The following IPPK variants were observed in gnomAD, a reference collection of about 807,000 sequenced individuals.
The protein encoded by IPPK is IPK1 homolog.
A neutral mutation model predicts 64.6 loss-of-function variants in IPPK; 22 were observed. That is an observed-to-expected ratio of 0.34 (90% CI 0.24 to 0.49). The LOEUF (loss-of-function observed/expected upper bound fraction) is 0.49, where lower values mean the gene tolerates loss of function less well. Among genes scored for constraint, IPPK ranks in the 20% least tolerant of loss-of-function variants. The pLI is 0.99. For synonymous variants in IPPK, 262 were observed against 247.2 expected, an observed-to-expected ratio of 1.06 and a Z score of -0.56; for missense variants, 532 against 630.7, an observed-to-expected ratio of 0.84 and a Z score of 1.68.
intron 2 of IPPK, among the ~76,000 whole-genome samples, chr9:92,658,172 A>G (rs1852410637): frequency 6.6e-6 from 1 of 151,046 alleles, no homozygotes; most frequent in South Asian, 2.2e-4. Context: ...CGGGTGGTCC[A>G]TGGCATTTTG....
intron 1 of IPPK, among the ~76,000 whole-genome samples, chr9:92,669,468 C>T (rs1852678546): frequency 6.6e-6 from 1 of 152,228 alleles, no homozygotes; most frequent in African/African-American, 2.4e-5. Context: ...GCACTGTGGG[C>T]ACTCTGCTTC....
intron 3 of IPPK, among the ~76,000 whole-genome samples, chr9:92,654,758 C>T: frequency 6.6e-6 from 1 of 152,176 alleles, no homozygotes; most frequent in East Asian, 1.9e-4. Flanking sequence ...CAGGCATCAC[C>T]CTCTAAATGG....
rs369352943 is a variant in IPPK at position 92,637,851 on chromosome 9, G to A, written c.916+150C>T. 5.4e-6 allele frequency: 4 copies of A among 740,984 alleles called. No individual in the cohort carries two copies. In the African/African-American group the frequency reaches 7.1e-5, roughly 13 times the overall value. 45.9% of individuals were successfully genotyped at this position (740,984 alleles called of 1,614,324 possible). ...TCTGCATCTGGGGGTGAGAGGCAGCGAGGCCCCGTGCTGGGAGCCCTGGCG... is the reference window on the plus strand; with the variant it reads ...TCTGCATCTGGGGGTGAGAGGCAGCAAGGCCCCGTGCTGGGAGCCCTGGCG... On this transcript the variant is annotated intron_variant, in intron 9 of 12. Transcript: ENST00000287996.
At chr9:92,642,906 T>G in intron 6 of IPPK, 96 bp from the exon 7 acceptor site, 2 of 999,564 alleles carry the variant, frequency 2.0e-6, no homozygotes, top group Non-Finnish European at 3.2e-6. Context: ...ATGAAGACAA[T>G]GAAGACGAGC....
intron 1 of IPPK, among the ~76,000 whole-genome samples, chr9:92,667,726 C>T (rs1011664159): frequency 9.3e-5 from 14 of 150,850 alleles, no homozygotes; most frequent in African/African-American, 3.2e-4. Flanking sequence ...TGAAACCAGT[C>T]TGGCTAACGT....
chr9:92,617,873 T>C (rs1041856830), intron 12 of IPPK: 40 of 210,154 alleles, frequency 1.9e-4, no homozygotes, highest in Non-Finnish European at 3.2e-4. Flanking sequence ...ACTTGAGACA[T>C]TTTCCTTTAT....
intron 1 of IPPK, among the ~76,000 whole-genome samples, chr9:92,659,294 A>G (rs1181523576): frequency 6.6e-6 from 1 of 152,170 alleles, no homozygotes; most frequent in Non-Finnish European, 1.5e-5. Context: ...TTATGGGTCC[A>G]CTTACTTTGT....
chr9:92,648,390 C>T (rs768476817), intron 5 of IPPK, among the ~76,000 whole-genome samples: 7 of 152,194 alleles, frequency 4.6e-5, no homozygotes, highest in Non-Finnish European at 8.8e-5. Context: ...GGTGCCTCTG[C>T]ACTAGCTCAA....
rs368157116 is a variant in IPPK at position 92,638,118 on chromosome 9, G to A, written c.799C>T (p.Arg267Trp). The A allele has an allele frequency of 1.4e-5, 22 of 1,613,980 alleles. No individual in the cohort carries two copies. The highest frequency in any genetic ancestry group is 2.7e-5 in the African/African-American group (2 of 74,936). ...TTGTCCGAGCCACTCAGCAGCACCC[G>A]TGTGATCACGTGCACCAGCTCCCTG... ...VIRELVHVIT[R>W]VLLSGSDKGR... is the part of the protein sequence containing the mutation. Residue 267 changes from arginine to tryptophan, a missense_variant, in exon 9 of 13, where the codon CGG becomes TGG. Transcript: ENST00000287996.
Position 92,642,720 on chromosome 9 carries a change from C to G in IPPK, c.563+32G>C. Reference sequence around the variant, plus strand: ...CCCTACCCATCTCCAGGGAACCTGACACAAGGGGGCAAAGGAGAAGTGTTC... The same window carrying G: ...CCCTACCCATCTCCAGGGAACCTGAGACAAGGGGGCAAAGGAGAAGTGTTC... On this transcript the variant is annotated intron_variant, in intron 7 of 12. Coordinates refer to ENST00000287996, the MANE Select transcript of IPPK (RefSeq NM_022755.6). 2.5e-6 allele frequency: 4 copies of G among 1,605,308 alleles called. No homozygotes were observed. In the South Asian group the frequency reaches 4.4e-5, roughly 18 times the overall value.
chr9:92,633,531 T>C (rs1851883436), intron 11 of IPPK, among the ~76,000 whole-genome samples: 1 of 152,122 alleles, frequency 6.6e-6, no homozygotes, highest in Non-Finnish European at 1.5e-5. Context: ...CAGCTAATTT[T>C]TTAATTTTTC....
Position 92,615,929 on chromosome 9 carries a change from T to C in IPPK, c.1379A>G (p.Asn460Ser), listed in dbSNP as rs772551104. 4 of 1,614,072 alleles carry C rather than the reference T, an allele frequency of 2.5e-6. No individual in the cohort carries two copies. The highest frequency in any genetic ancestry group is 2.2e-5 in the East Asian group (1 of 44,896). The change falls in exon 13 of 13, where the codon AAC becomes AGC. Residue 460 changes from asparagine to serine, a missense_variant. Transcript: ENST00000287996. ...GGCACGTACAGTCTTTGAATAATAG[T>C]TGACGATCTTGCCGTCCAGTTTATA... ...HQYKLDGKIV[N>S]YYSKTVRAKD...
chr9:92,654,960 C>G (rs1327306022), intron 3 of IPPK, among the ~76,000 whole-genome samples: 2 of 152,364 alleles, frequency 1.3e-5, no homozygotes, highest in South Asian at 4.1e-4. Context: ...AACTCCTGAG[C>G]CTTCAGGTTC....
At chr9:92,654,874 G>A (rs192911953) in intron 3 of IPPK, among the ~76,000 whole-genome samples, 6 of 152,362 alleles carry the variant, frequency 3.9e-5, no homozygotes, top group Non-Finnish European at 5.9e-5. Flanking sequence ...GTCAGCATGC[G>A]AGGTTCCAAC....
chr9:92,621,705 CGAGGTCTCGCTA>C (rs1453952347), intron 11 of IPPK, among the ~76,000 whole-genome samples: 2 of 151,882 alleles, frequency 1.3e-5, no homozygotes, highest in Non-Finnish European at 2.9e-5. Context: ...TTATTAGAGA[CGAGGTCTCGCTA>C]TGTTGCCCAG....
intron 8 of IPPK, among the ~76,000 whole-genome samples, chr9:92,640,159 A>T (rs1408592022): frequency 6.6e-6 from 1 of 152,178 alleles, no homozygotes; most frequent in East Asian, 1.9e-4. Context: ...GACTGAGGTG[A>T]TGACAAGGGG....
chr9:92,647,139 C>T (rs1852165366), intron 6 of IPPK, among the ~76,000 whole-genome samples: 1 of 152,158 alleles, frequency 6.6e-6, no homozygotes, highest in Non-Finnish European at 1.5e-5. Flanking sequence ...GAAGGGGACA[C>T]TACTACTGAC....
intron 1 of IPPK, among the ~76,000 whole-genome samples, chr9:92,663,465 T>C (rs763436949): frequency 6.6e-6 from 1 of 152,200 alleles, no homozygotes; most frequent in African/African-American, 2.4e-5. Context: ...TGACAATAAA[T>C]AGAAAAAGAC....
chr9:92,632,835 T>C (rs1372958221), intron 11 of IPPK, among the ~76,000 whole-genome samples: 2 of 152,078 alleles, frequency 1.3e-5, no homozygotes, highest in Admixed American at 6.5e-5. Flanking sequence ...CTCTCCCAAA[T>C]GTGAGCCACA....
Sources: allele counts gnomAD v4.1 joint callset (sites outside exome capture counted in the v4.1 genomes callset), GRCh38; gene constraint gnomAD v4.1.1; transcripts MANE v1.5; gene names NCBI Gene and HGNC (gene_info 2026-07-23, HGNC 2026-07-21).